Variants in MYO10 observed in about 807,000 individuals in gnomAD.
MYO10 encodes the protein myosin X.
Under a neutral mutation model 257.3 loss-of-function variants are expected in MYO10, and 133 were observed. The ratio of observed to expected loss-of-function variants is 0.52; its 90% confidence interval spans 0.45 to 0.60. The LOEUF (loss-of-function observed/expected upper bound fraction) is 0.60. MYO10 is among the 20% of genes least tolerant of loss of function. The pLI, the probability that MYO10 is intolerant of heterozygous loss-of-function variation, is 0.00. For missense variants in MYO10, 2,399 were observed against 2,635.7 expected, an observed-to-expected ratio of 0.91 and a Z score of 1.97; for synonymous variants, 1,104 against 1,028.6, an observed-to-expected ratio of 1.07 and a Z score of -1.40.
Position 16,663,328 on chromosome 5 carries a change from G to GTTTTTTTTTTTTTTTTTTTTTT in MYO10, c.*3342_*3363dup, listed in dbSNP as rs70940395. On this transcript the variant is annotated 3_prime_UTR_variant, in exon 41 of 41. Transcript: ENST00000513610. Reference sequence around the variant, plus strand: ...AAAAAGTAACATTTTACTTCTAGTTGTTTTTTTTTTTTTTTTTTTTTTTTT... The same window carrying GTTTTTTTTTTTTTTTTTTTTTT: ...AAAAAGTAACATTTTACTTCTAGTTGTTTTTTTTTTTTTTTTTTTTTTTTTTTTTTTTTTTTTTTTTTTTTTT... The GTTTTTTTTTTTTTTTTTTTTTT allele has an allele frequency of 1.3e-5, 1 of 76,886 alleles. No individual in the cohort carries two copies. Among genetic ancestry groups the GTTTTTTTTTTTTTTTTTTTTTT allele is most frequent in the Non-Finnish European group, 2.3e-5 (1 of 43,478 alleles). 4.8% of individuals were successfully genotyped at this position (76,886 alleles called of 1,614,324 possible). A position where few individuals can be genotyped will look rare whatever the true frequency, so the allele number is the denominator to read the frequency against.
Position 16,664,369 on chromosome 5 carries a change from A to G in MYO10, c.*2323T>C, listed in dbSNP as rs1463326286. 1 of 152,230 alleles carries G rather than the reference A, an allele frequency of 6.6e-6. No homozygotes were observed. The highest frequency in any genetic ancestry group is 1.5e-5 in the Non-Finnish European group (1 of 68,038). The allele number at this position is 152,230 out of a possible 1,614,324, so 9.4% of individuals were successfully genotyped here. A position where few individuals can be genotyped will look rare whatever the true frequency, so the allele number is the denominator to read the frequency against. On this transcript the variant is annotated 3_prime_UTR_variant, in exon 41 of 41. Coordinates refer to ENST00000513610, the MANE Select transcript of MYO10 (RefSeq NM_012334.3). ...ACAGAGGGAATCCTGAGAGGTGAGC[A>G]GTAGAAAGAAGACTTCTGTCAAATT...
chr5:16,759,638 C>T (rs544275065), intron 17 of MYO10, among the ~76,000 whole-genome samples: 9 of 152,150 alleles, frequency 5.9e-5, no homozygotes, highest in Admixed American at 2.6e-4. Context: ...AGGCAGCTGG[C>T]GAAACTCCAC....
intron 19 of MYO10, among the ~76,000 whole-genome samples, chr5:16,734,414 G>A (rs1739706898): frequency 6.6e-6 from 1 of 152,136 alleles, no homozygotes; most frequent in Non-Finnish European, 1.5e-5. Flanking sequence ...TTCAGTCAAC[G>A]GTGCCCACGT....
At chr5:16,743,999 A>G (rs1453889618) in intron 19 of MYO10, among the ~76,000 whole-genome samples, 1 of 152,164 alleles carries the variant, frequency 6.6e-6, no homozygotes, top group Non-Finnish European at 1.5e-5. Flanking sequence ...TAAATTTTTT[A>G]ATGTTCTTTA....
chr5:16,915,860 G>A (rs1464742147), intron 1 of MYO10, among the ~76,000 whole-genome samples: 1 of 152,030 alleles, frequency 6.6e-6, no homozygotes, highest in African/African-American at 2.4e-5. Flanking sequence ...AGGAGGCTGA[G>A]GCACGAGAAT....
intron 3 of MYO10, among the ~76,000 whole-genome samples, chr5:16,805,417 G>T (rs1560994016): frequency 7.5e-6 from 1 of 133,248 alleles, no homozygotes; most frequent in African/African-American, 2.9e-5. Flanking sequence ...AACCATCATG[G>T]CACTGCACTC....
Position 16,849,320 on chromosome 5 carries a change from AG to A in MYO10, c.120+28288del, listed in dbSNP as rs530320004. Among the ~76,000 whole-genome samples the A allele has an allele frequency of 7.2e-5, 11 of 152,308 alleles. No homozygotes were observed. The South Asian group carries it at 2.3e-3, about 32-fold the overall frequency. On this transcript the variant is annotated intron_variant, in intron 2 of 40. Transcript: ENST00000513610. ...ACAGGTAACCGAAAATAAATTCAAA[AG>A]CTGGCTTCTAGGCATACTCTTCAAA...
At chr5:16,863,288 C>T (rs1314930237) in intron 2 of MYO10, among the ~76,000 whole-genome samples, 1 of 152,222 alleles carries the variant, frequency 6.6e-6, no homozygotes, top group Non-Finnish European at 1.5e-5. Context: ...CCCATCCACC[C>T]ACCCACTGGG....
chr5:16,677,828 T>C (rs930912772), intron 33 of MYO10, among the ~76,000 whole-genome samples: 1 of 151,890 alleles, frequency 6.6e-6, no homozygotes, highest in African/African-American at 2.4e-5. Flanking sequence ...TGGCGTGATC[T>C]CGGCTCACTG....
intron 1 of MYO10, among the ~76,000 whole-genome samples, chr5:16,893,196 CAAAA>C (rs59761183): frequency 2.3e-4 from 16 of 69,570 alleles, no homozygotes; most frequent in African/African-American, 8.2e-4. Context: ...GACTCTGTCT[CAAAA>C]AAAAAAAAAA....
intron 19 of MYO10, among the ~76,000 whole-genome samples, chr5:16,726,713 T>C (rs1198216733): frequency 6.6e-6 from 1 of 152,218 alleles, no homozygotes; most frequent in African/African-American, 2.4e-5. Context: ...TCCTGAATAT[T>C]TCTGAATGAA....
rs1738586911 is a variant in MYO10, at chr5:16,711,166, T to G, written c.2009A>C (p.Lys670Thr). ...SGMLETVRIR[K>T]AGYAVRRPFQ... is the part of the protein sequence containing the mutation. ...GGGTCTTCGGACCGCATACCCAGCT[T>G]TGCGGATTCTCACAGTCTCCAGCAT... Residue 670 changes from lysine (K) to threonine (T), a missense_variant, in exon 20 of 41, where the codon AAA becomes ACA. Coordinates refer to ENST00000513610, the MANE Select transcript of MYO10 (RefSeq NM_012334.3). 1 of 1,613,892 alleles carries G rather than the reference T, an allele frequency of 6.2e-7. No homozygotes were observed. The highest frequency in any genetic ancestry group is 2.2e-5 in the East Asian group (1 of 44,874).
rs756385885 is a variant in MYO10, at chr5:16,794,716, T to C, written c.397A>G (p.Ile133Val). The change falls in exon 4 of 41, where the codon ATC becomes GTC. Residue 133 changes from isoleucine to valine, a missense_variant. Around this residue, in one of 3 missense-constraint regions of MYO10, gnomAD observed 242 missense variants for 249.5 expected, o/e 0.97. Transcript: ENST00000513610. ...RRHLGELPPH[I>V]FAIANECYRC... is the part of the protein sequence containing the mutation. ...TAGCACTCGTTGGCGATGGCGAAGA[T>C]GTGCGGGGGCAGCTCGCCCAGGTGG... 1.2e-6 allele frequency: 2 copies of C among 1,613,592 alleles called. No homozygotes were observed. The highest frequency in any genetic ancestry group is 1.7e-6 in the Non-Finnish European group (2 of 1,179,744).
chr5:16,710,756 A>G (rs1048384628), intron 21 of MYO10, 152 bp downstream of exon 21: 40 of 650,864 alleles, frequency 6.1e-5, no homozygotes, highest in Non-Finnish European at 4.5e-5. Context: ...ACTGTTTGGG[A>G]GACAAAAGGT....
At chr5:16,720,940 T>G (rs748126897) in intron 19 of MYO10, among the ~76,000 whole-genome samples, 3 of 152,228 alleles carry the variant, frequency 2.0e-5, no homozygotes, top group Admixed American at 6.5e-5. Flanking sequence ...ATTACATAAT[T>G]CATTACATGA....
At chr5:16,743,095 G>A (rs1740071300) in intron 19 of MYO10, among the ~76,000 whole-genome samples, 1 of 152,096 alleles carries the variant, frequency 6.6e-6, no homozygotes, top group African/African-American at 2.4e-5. Context: ...ACTCTAGCCT[G>A]GGCAACAAGA....
intron 3 of MYO10, among the ~76,000 whole-genome samples, chr5:16,806,835 G>A (rs1742291873): frequency 6.6e-6 from 1 of 152,018 alleles, no homozygotes; most frequent in Non-Finnish European, 1.5e-5. Context: ...AACCTCCCCT[G>A]GCACTGCTTC....
intron 1 of MYO10, among the ~76,000 whole-genome samples, chr5:16,926,342 G>A (rs186652397): frequency 1.1e-4 from 16 of 152,028 alleles, no homozygotes; most frequent in Admixed American, 7.9e-4. Flanking sequence ...TATGAATTTC[G>A]CTGACAATGT....
At chr5:16,932,200 T>C (rs1746311933) in intron 1 of MYO10, among the ~76,000 whole-genome samples, 1 of 152,246 alleles carries the variant, frequency 6.6e-6, no homozygotes, top group Non-Finnish European at 1.5e-5. Flanking sequence ...ATCTTACTTG[T>C]GTACATTTTA....
Sources: allele counts gnomAD v4.1 joint callset (sites outside exome capture counted in the v4.1 genomes callset), GRCh38; gene constraint gnomAD v4.1.1; regional missense constraint gnomAD v4.1.1; transcripts MANE v1.5; gene names NCBI Gene and HGNC (gene_info 2026-07-23, HGNC 2026-07-21).